The following LARGE1 variants were observed in gnomAD, a reference collection of about 807,000 sequenced individuals.
LARGE1 encodes xylosyl- and glucuronyltransferase LARGE1.
A neutral mutation model predicts 87.6 loss-of-function variants in LARGE1; 43 were observed. The ratio of observed to expected loss-of-function variants is 0.49; its 90% confidence interval spans 0.38 to 0.63. The LOEUF is 0.63. Among genes scored for constraint, LARGE1 ranks in the 30% least tolerant of loss-of-function variants. The probability of loss-of-function intolerance (pLI) is 0.00; values close to 1 mark genes in which losing one functional copy is unlikely to be tolerated. For synonymous variants in LARGE1, 434 were observed against 394.6 expected, an observed-to-expected ratio of 1.10 and a Z score of -1.18; for missense variants, 802 against 1,000.2, an observed-to-expected ratio of 0.80 and a Z score of 2.67.
intron 6 of LARGE1, among the ~76,000 whole-genome samples, chr22:33,437,733 T>C (rs1034228236): frequency 6.6e-6 from 1 of 151,968 alleles, no homozygotes; most frequent in Non-Finnish European, 1.5e-5. Context: ...AGGGTTTGAG[T>C]TGTGTCAGAC....
chr22:33,098,821 A>C, the LARGE1 span, among the ~76,000 whole-genome samples: 1 of 152,304 alleles, frequency 6.6e-6, no homozygotes, highest in East Asian at 1.9e-4. Context: ...GGGAAGTTTC[A>C]TGGCCGTGAA....
At chr22:33,320,868 G>C (rs769095371) in intron 10 of LARGE1, 9 of 152,262 alleles carry the variant, frequency 5.9e-5, no homozygotes, top group Non-Finnish European at 1.3e-4. Context: ...TGAGTCACTG[G>C]CAGCCTCATC....
At chr22:33,522,046 G>C (rs1319584231) in intron 6 of LARGE1, among the ~76,000 whole-genome samples, 1 of 152,158 alleles carries the variant, frequency 6.6e-6, no homozygotes, top group African/African-American at 2.4e-5. Flanking sequence ...CTCGGAGCAA[G>C]AAGTCACTCA....
intron 2 of LARGE1, among the ~76,000 whole-genome samples, chr22:33,669,929 A>G (rs2081362631): frequency 1.3e-5 from 2 of 152,198 alleles, no homozygotes; most frequent in Admixed American, 6.5e-5. Context: ...TGTTGTTGGT[A>G]TTATAATTCA....
chr22:33,552,704 G>C (rs897602581), intron 6 of LARGE1, among the ~76,000 whole-genome samples: 5 of 152,142 alleles, frequency 3.3e-5, no homozygotes, highest in Admixed American at 2.6e-4. Context: ...GATTCTAAGA[G>C]GCTGCTGATT....
intron 11 of LARGE1, among the ~76,000 whole-genome samples, chr22:33,187,730 AAC>A (rs951506294): frequency 2.0e-5 from 3 of 151,858 alleles, no homozygotes; most frequent in African/African-American, 7.3e-5. Context: ...CATCCTGGCT[AAC>A]ACAGTGAAAT....
chr22:33,353,317 T>C lies in LARGE1; in HGVS notation c.1132-15516A>G, dbSNP rs73882205. ...TTTCACTGAACTCTGTGAAAAGAGG[T>C]TAGAAGTTGCTTTAGAGATTTCTTT... On this transcript the variant is annotated intron_variant, in intron 9 of 14. Transcript: ENST00000397394. Among the ~76,000 whole-genome samples, 680 of 152,310 alleles carry C rather than the reference T, an allele frequency of 4.5e-3. 10 individuals are homozygous for C. Among genetic ancestry groups the C allele is most frequent in the Middle Eastern group, 0.017 (5 of 294 alleles).
intron 6 of LARGE1, among the ~76,000 whole-genome samples, chr22:33,540,981 T>C (rs1220405241): frequency 7.2e-6 from 1 of 139,248 alleles, no homozygotes; most frequent in Non-Finnish European, 1.5e-5. Flanking sequence ...TAAAAAAAAA[T>C]ATAAAAATTA....
At chr22:33,166,924 C>T (rs1369142587) in intron 11 of LARGE1, 4 of 456,826 alleles carry the variant, frequency 8.8e-6, no homozygotes, top group East Asian at 7.1e-5. Context: ...AGTAACCACA[C>T]ACTTCAATTC....
At position 33,686,810 on chromosome 22, in the gene LARGE1, A is replaced by C. The variant is rs1309869313; in HGVS notation, c.107-36142T>G. 2.0e-5 allele frequency among the ~76,000 whole-genome samples: 3 copies of C among 152,346 alleles called. No individual in the cohort carries two copies. In the East Asian group the frequency reaches 5.8e-4, roughly 29 times the overall value. ...CAGTGTAGGGTTGCCAGATTTAGCA[A>C]ACAAAAATATAGGATGTTCAATTAT... is the stretch of plus-strand genomic sequence containing the variant. On this transcript the variant is annotated intron_variant, in intron 2 of 14. Transcript: ENST00000397394.
chr22:33,721,844 T>C (rs16992874), intron 2 of LARGE1, among the ~76,000 whole-genome samples: 5,342 of 152,336 alleles, frequency 0.035, 115 homozygotes, highest in African/African-American at 0.053. Context: ...AAGCCTTATG[T>C]ACAACCCCCA....
chr22:33,921,018 G>A (rs1467130971), upstream of LARGE1, among the ~76,000 whole-genome samples: 1 of 150,214 alleles, frequency 6.7e-6, no homozygotes, highest in East Asian at 2.0e-4. The surrounding 1 kb of genome is among the most constrained non-coding windows in gnomAD (Gnocchi z 4.1). Flanking sequence ...CTGTGTGTCT[G>A]TGTCATGTCT....
chr22:33,355,955 A>C (rs1940851486), intron 9 of LARGE1, among the ~76,000 whole-genome samples: 2 of 152,150 alleles, frequency 1.3e-5, no homozygotes, highest in East Asian at 1.9e-4. Context: ...GGATCAACAA[A>C]ATCAATCAGA....
intron 8 of LARGE1, among the ~76,000 whole-genome samples, chr22:33,383,805 G>T (rs2065236522): frequency 6.6e-6 from 1 of 152,112 alleles, no homozygotes; most frequent in Non-Finnish European, 1.5e-5. Context: ...GGCATTCTGG[G>T]GTCCCAGAGA....
intron 11 of LARGE1, among the ~76,000 whole-genome samples, chr22:33,201,165 T>A (rs574031792): frequency 6.6e-6 from 1 of 152,024 alleles, no homozygotes; most frequent in Non-Finnish European, 1.5e-5. Flanking sequence ...AAAATTAACC[T>A]GGCATAGCAG....
intron 1 of LARGE1, among the ~76,000 whole-genome samples, chr22:33,795,848 G>C (rs989662870): frequency 2.6e-5 from 4 of 151,996 alleles, no homozygotes; most frequent in Non-Finnish European, 1.5e-5. Flanking sequence ...GGGGTCTGTC[G>C]TGGGGTGGGG....
rs907314909 is a variant in LARGE1, at chr22:33,543,358, T to C, written c.787+21490A>G. 4.0e-4 allele frequency among the ~76,000 whole-genome samples: 61 copies of C among 152,334 alleles called. 1 individual carries two copies. Among genetic ancestry groups the C allele is most frequent in the Admixed American group, 3.9e-3 (60 of 15,306 alleles). On this transcript the variant is annotated intron_variant, in intron 6 of 14. Transcript: ENST00000397394. ...GTCAGAATTTTAATTTAGGTCACTT[T>C]CATGGATAAATAGGCTGCAGATACC...
rs2079196493 is a variant in LARGE1, at chr22:33,604,470, C to G, written c.580G>C (p.Val194Leu). The G allele has an allele frequency of 6.2e-7, 1 of 1,614,016 alleles. No individual in the cohort carries two copies. The highest frequency in any genetic ancestry group is 1.1e-5 in the South Asian group (1 of 91,082). ...TCTGCATTGTAGAAGTCCACACGCA[C>G]AGCGGGCACCATCCAGGTCTGGAAG... Reference protein sequence around the residue: ...TLFQTWMVPAVRVDFYNADEL... With the variant: ...TLFQTWMVPALRVDFYNADEL... Residue 194 changes from valine (V) to leucine (L), a missense_variant, in exon 5 of 15, where the codon GTG becomes CTG. Physicochemically the swap from Val to Leu is conservative, Grantham distance 32 (BLOSUM62 1). Coordinates refer to ENST00000397394, the MANE Select transcript of LARGE1 (RefSeq NM_133642.5).
At chr22:33,596,318 C>A (rs2078975105) in intron 5 of LARGE1, among the ~76,000 whole-genome samples, 1 of 152,184 alleles carries the variant, frequency 6.6e-6, no homozygotes. Context: ...TATAAATACA[C>A]AAAGGTATGC....
Sources: allele counts gnomAD v4.1 joint callset (sites outside exome capture counted in the v4.1 genomes callset), GRCh38; gene constraint gnomAD v4.1.1; non-coding constraint Gnocchi (gnomAD v3.1); transcripts MANE v1.5; gene names NCBI Gene and HGNC (gene_info 2026-07-23, HGNC 2026-07-21).